EPM2A: variants seen among roughly 807,000 people sequenced by gnomAD.
EPM2A encodes the protein EPM2A glucan phosphatase, laforin.
EPM2A carries 21 observed loss-of-function variants against 26.5 expected under a neutral mutation model. That is an observed-to-expected ratio of 0.79 (90% CI 0.56 to 1.14). EPM2A has a LOEUF of 1.14. EPM2A is among the 50% of genes most tolerant of loss of function. EPM2A has a pLI of 0.00. For missense variants in EPM2A, 458 were observed against 440.8 expected (o/e 1.04, Z -0.35); for synonymous variants, 217 against 177.6 (o/e 1.22, Z -1.76).
At position 145,735,467 on chromosome 6, in the gene EPM2A, G is replaced by A. The variant is rs1453489611; in HGVS notation, c.32C>T (p.Pro11Leu). 8.2e-7 allele frequency: 1 copy of A among 1,225,336 alleles called. No individual in the cohort carries two copies. The highest frequency in any genetic ancestry group is 1.0e-6 in the Non-Finnish European group (1 of 981,226). 75.9% of individuals were successfully genotyped at this position (1,225,336 alleles called of 1,614,324 possible). MRFRFGVVVP[P>L]AVAGARPELL... The stretch of plus-strand genomic sequence containing the variant: ...CTCCGGCCGGGCGCCGGCCACGGCG[G>A]GTGGCACCACCACCCCAAAGCGGAA... The change falls in exon 1 of 4, where the codon CCC becomes CTC. Residue 11 changes from proline to leucine, a missense_variant. Pro to Leu is a moderately conservative substitution (Grantham distance 98, BLOSUM62 -3). Transcript: ENST00000367519.
intron 3 of EPM2A, 55 bp downstream of exon 3, chr6:145,635,190 A>T: frequency 6.2e-7 from 1 of 1,601,912 alleles, no homozygotes; most frequent in African/African-American, 1.3e-5. Context: ...AGACAGACAG[A>T]CAGCAAGGGT....
intron 4 of EPM2A, among the ~76,000 whole-genome samples, chr6:145,495,917 G>A (rs1215453638): frequency 6.6e-6 from 1 of 152,102 alleles, no homozygotes; most frequent in Non-Finnish European, 1.5e-5. Flanking sequence ...GTACTCCAGT[G>A]TGTTCTTGTA....
At chr6:145,552,253 T>C (rs1434402061) in intron 2 of EPM2A, among the ~76,000 whole-genome samples, 1 of 152,002 alleles carries the variant, frequency 6.6e-6, no homozygotes, top group African/African-American at 2.4e-5. Flanking sequence ...CAGAAGCCAA[T>C]ACATCTCAAG....
chr6:145,548,800 C>T (rs1780617052), intron 2 of EPM2A, among the ~76,000 whole-genome samples: 1 of 152,106 alleles, frequency 6.6e-6, no homozygotes, highest in Non-Finnish European at 1.5e-5. Flanking sequence ...GCTTGCTCTA[C>T]TCAATAAATC....
At chr6:145,449,820 A>G (rs1242287498) in intron 4 of EPM2A, among the ~76,000 whole-genome samples, 1 of 151,626 alleles carries the variant, frequency 6.6e-6, no homozygotes, top group Non-Finnish European at 1.5e-5. Flanking sequence ...ATTATTTCTA[A>G]GAGAGAAAAA....
At chr6:145,407,665 T>C (rs911581752) in intron 4 of EPM2A, among the ~76,000 whole-genome samples, 1 of 152,188 alleles carries the variant, frequency 6.6e-6, no homozygotes, top group Non-Finnish European at 1.5e-5. Flanking sequence ...TTATTTCCCT[T>C]TATAGCTTTA....
At chr6:145,604,201 CA>C (rs1371138257) in intron 2 of EPM2A, among the ~76,000 whole-genome samples, 3 of 151,972 alleles carry the variant, frequency 2.0e-5, no homozygotes, top group Non-Finnish European at 4.4e-5. Context: ...GGAAAAATTC[CA>C]AAAATGTAAG....
At chr6:145,479,669 T>C (rs889039052) in intron 4 of EPM2A, among the ~76,000 whole-genome samples, 1 of 152,084 alleles carries the variant, frequency 6.6e-6, no homozygotes, top group South Asian at 2.1e-4. Context: ...GATATACACC[T>C]GGTTTGTTTT....
chr6:145,389,426 G>T (rs923748288), intron 4 of EPM2A, among the ~76,000 whole-genome samples: 2 of 151,748 alleles, frequency 1.3e-5, no homozygotes, highest in Non-Finnish European at 2.9e-5. Context: ...TCCTGACATC[G>T]GGTGATCTGC....
At chr6:145,440,253 C>A (rs935394960) in intron 4 of EPM2A, among the ~76,000 whole-genome samples, 1 of 152,146 alleles carries the variant, frequency 6.6e-6, no homozygotes, top group Non-Finnish European at 1.5e-5. Flanking sequence ...GAGGTTTCCC[C>A]TTATAAAACC....
At chr6:145,635,563 G>A in intron 2 of EPM2A, 77 bp from the exon 3 acceptor site, 1 of 1,405,666 alleles carries the variant, frequency 7.1e-7, no homozygotes, top group African/African-American at 1.4e-5. Context: ...AAAACATGTA[G>A]TATTAAAATA....
At chr6:145,653,844 C>T (rs1778065052) in intron 2 of EPM2A, among the ~76,000 whole-genome samples, 1 of 152,178 alleles carries the variant, frequency 6.6e-6, no homozygotes, top group Non-Finnish European at 1.5e-5. Flanking sequence ...ATATATTATT[C>T]TCATCTAAAA....
downstream of EPM2A, among the ~76,000 whole-genome samples, chr6:145,496,762 G>A (rs1207294875): frequency 3.4e-5 from 2 of 59,634 alleles, no homozygotes; most frequent in African/African-American, 1.0e-4. Flanking sequence ...ACGGAGTCTC[G>A]CTCTGTCGCC....
chr6:145,526,889 A>G (rs1246660868), intron 2 of EPM2A, among the ~76,000 whole-genome samples: 1 of 151,696 alleles, frequency 6.6e-6, no homozygotes, highest in Non-Finnish European at 1.5e-5. Context: ...GTAACTTGAG[A>G]TATTTCTATT....
chr6:145,408,812 G>A (rs1008718291), intron 4 of EPM2A, among the ~76,000 whole-genome samples: 1 of 152,140 alleles, frequency 6.6e-6, no homozygotes, highest in East Asian at 1.9e-4. Flanking sequence ...TCAGCATCTG[G>A]TGAGGGCTCT....
At chr6:145,532,980 A>C (rs1780381867) in intron 2 of EPM2A, among the ~76,000 whole-genome samples, 1 of 152,008 alleles carries the variant, frequency 6.6e-6, no homozygotes. Flanking sequence ...TTTCAGCCTT[A>C]ATCTCCCTCT....
chr6:145,384,852 A>G (rs1320568582), intron 4 of EPM2A, among the ~76,000 whole-genome samples: 2 of 147,928 alleles, frequency 1.4e-5, no homozygotes, highest in Admixed American at 6.9e-5. Flanking sequence ...ATCATATTGG[A>G]AAGTCTAGAG....
intron 2 of EPM2A, among the ~76,000 whole-genome samples, chr6:145,538,838 A>G (rs780828411): frequency 5.3e-5 from 8 of 152,210 alleles, no homozygotes; most frequent in Non-Finnish European, 1.0e-4. Flanking sequence ...ACACAATCAT[A>G]TGGCACATAC....
At chr6:145,634,469 C>T (rs9373467) in intron 3 of EPM2A, 41,665 of 152,524 alleles carry the variant, frequency 0.27, 6,210 homozygotes, top group South Asian at 0.4. Flanking sequence ...TCTTCCCATG[C>T]ATAACCCTCC....
Sources: gnomAD v4.1 joint callset for allele counts (sites outside exome capture counted in the v4.1 genomes callset) on GRCh38, gnomAD v4.1.1 for gene constraint, MANE v1.5 for transcripts, NCBI Gene and HGNC (gene_info 2026-07-23, HGNC 2026-07-21) for gene names.